CNTN5: variants seen among roughly 807,000 people sequenced by gnomAD.
CNTN5 encodes the protein contactin 5.
A neutral mutation model predicts 129.1 loss-of-function variants in CNTN5; 77 were observed. The ratio of observed to expected loss-of-function variants is 0.60; its 90% CI spans 0.50 to 0.72. The LOEUF is 0.72. CNTN5 is among the 30% of genes least tolerant of loss of function. CNTN5 has a pLI of 0.00. For synonymous variants in CNTN5, 509 were observed against 465.6 expected, an observed-to-expected ratio of 1.09 and a Z score of -1.20; for missense variants, 1,478 against 1,328.8, an observed-to-expected ratio of 1.11 and a Z score of -1.75.
chr11:100,130,724 T>G lies in CNTN5; in HGVS notation c.1580+56430T>G, dbSNP rs185147620. 1.9e-3 allele frequency among the ~76,000 whole-genome samples: 285 copies of G among 151,916 alleles called. 3 individuals are homozygous for G. The highest frequency in any genetic ancestry group is 6.7e-3 in the African/African-American group (278 of 41,434). Reference sequence around the variant, plus strand: ...TAGATAAGATTTGGAAGTGGAAGTGTAAGGATGAGAGCAGAATAAATAGCC... The same window carrying G: ...TAGATAAGATTTGGAAGTGGAAGTGGAAGGATGAGAGCAGAATAAATAGCC... On this transcript the variant is annotated intron_variant, in intron 13 of 24. Coordinates refer to ENST00000524871, the MANE Select transcript of CNTN5 (RefSeq NM_014361.4).
intron 13 of CNTN5, among the ~76,000 whole-genome samples, chr11:100,167,237 CAG>C (rs1254070401): frequency 6.6e-6 from 1 of 151,728 alleles, no homozygotes; most frequent in Non-Finnish European, 1.5e-5. Context: ...TTTATTCTTT[CAG>C]AGAGTGATTA....
chr11:100,231,873 G>A (rs559594054), intron 16 of CNTN5, among the ~76,000 whole-genome samples: 1 of 152,276 alleles, frequency 6.6e-6, no homozygotes, highest in East Asian at 1.9e-4. Context: ...AGCCTGTGAA[G>A]GCCAGGCACA....
intron 3 of CNTN5, among the ~76,000 whole-genome samples, chr11:99,579,093 T>G (rs1341538774): frequency 2.0e-5 from 3 of 151,764 alleles, no homozygotes; most frequent in African/African-American, 7.2e-5. Context: ...AGGGAATCCT[T>G]TCCCCATTGC....
intron 3 of CNTN5, among the ~76,000 whole-genome samples, chr11:99,626,147 A>T (rs1346657143): frequency 6.6e-6 from 1 of 152,032 alleles, no homozygotes; most frequent in Non-Finnish European, 1.5e-5. Flanking sequence ...AGAAGGAGTC[A>T]TGCAAGCGAA....
intron 1 of CNTN5, among the ~76,000 whole-genome samples, chr11:99,154,124 G>A (rs149015613): frequency 6.6e-6 from 1 of 152,146 alleles, no homozygotes; most frequent in Non-Finnish European, 1.5e-5. Context: ...GTGCTTGCTT[G>A]CATGTGCCAG....
intron 2 of CNTN5, among the ~76,000 whole-genome samples, chr11:99,502,334 C>G (rs1251656732): frequency 1.3e-5 from 2 of 152,076 alleles, no homozygotes; most frequent in East Asian, 1.9e-4. Flanking sequence ...TGTGTCCCCA[C>G]CCAAATCTCA....
chr11:99,363,834 C>G (rs74582425), intron 2 of CNTN5, among the ~76,000 whole-genome samples: 7,893 of 152,086 alleles, frequency 0.052, 276 homozygotes, highest in Admixed American at 0.11. Context: ...TATGAAAATT[C>G]GTTTTTCCAA....
At chr11:99,474,634 A>G (rs973764468) in intron 2 of CNTN5, among the ~76,000 whole-genome samples, 5 of 152,150 alleles carry the variant, frequency 3.3e-5, no homozygotes, top group African/African-American at 1.2e-4. Flanking sequence ...GTGTCTCTAT[A>G]ATTTAATTTA....
rs141174340 is a variant in CNTN5 at position 99,532,521 on chromosome 11, T to C, written c.-70-23624T>C. Among the ~76,000 whole-genome samples the C allele has an allele frequency of 7.8e-4, 118 of 152,202 alleles. 1 individual carries two copies. The highest frequency in any genetic ancestry group is 2.8e-3 in the African/African-American group (116 of 41,518). ...AGGGGCCAGGGCAGAATGATATGGG[T>C]TGGCCATGTCTCCACTCAAATCTCA... On this transcript the variant is annotated intron_variant, in intron 2 of 24. Coordinates refer to ENST00000524871, the MANE Select transcript of CNTN5 (RefSeq NM_014361.4).
rs1049796290 is a variant in CNTN5, at chr11:99,233,807, A to G, written c.-209-91539A>G. Among the ~76,000 whole-genome samples, 13 of 152,198 alleles carry G rather than the reference A, an allele frequency of 8.5e-5. No homozygotes were observed. In the South Asian group the frequency reaches 2.5e-3, roughly 29 times the overall value. ...TAAAAATACAAAAAATTAGTCGGGC[A>G]TGGTGGCAGGCACCTGTGGTCCCAG... is the stretch of plus-strand genomic sequence containing the variant. On this transcript the variant is annotated intron_variant, in intron 1 of 24. Transcript: ENST00000524871.
At chr11:99,237,644 G>A (rs1861346372) in intron 1 of CNTN5, among the ~76,000 whole-genome samples, 1 of 151,430 alleles carries the variant, frequency 6.6e-6, no homozygotes, top group South Asian at 2.1e-4. Flanking sequence ...TCGTGCCACC[G>A]CACCCCAGCC....
chr11:99,440,572 T>C (rs910566502), intron 2 of CNTN5, among the ~76,000 whole-genome samples: 2 of 152,172 alleles, frequency 1.3e-5, no homozygotes, highest in Non-Finnish European at 2.9e-5. Context: ...TTGGGCAAGA[T>C]TGTTAAAACC....
intron 1 of CNTN5, among the ~76,000 whole-genome samples, chr11:99,190,296 G>A (rs1002173532): frequency 6.6e-6 from 1 of 151,610 alleles, no homozygotes; most frequent in Non-Finnish European, 1.5e-5. Context: ...GGTTACTATA[G>A]CCTTGTAGTA....
At chr11:99,994,029 A>G (rs9943548) in intron 8 of CNTN5, among the ~76,000 whole-genome samples, 10,549 of 152,028 alleles carry the variant, frequency 0.069, 678 homozygotes, top group African/African-American at 0.16. Context: ...TCTTGGGGCC[A>G]GAAGTGAGGC....
intron 13 of CNTN5, among the ~76,000 whole-genome samples, chr11:100,100,371 C>T (rs1397567745): frequency 6.6e-6 from 1 of 152,056 alleles, no homozygotes; most frequent in Non-Finnish European, 1.5e-5. Context: ...CTCTATACAC[C>T]CATTTATACT....
intron 2 of CNTN5, among the ~76,000 whole-genome samples, chr11:99,463,268 C>T (rs1288912552): frequency 6.6e-6 from 1 of 150,500 alleles, no homozygotes; most frequent in African/African-American, 2.4e-5. Context: ...GAAACCCCAT[C>T]TCTACTAAAA....
intron 3 of CNTN5, among the ~76,000 whole-genome samples, chr11:99,640,243 C>A (rs1414582377): frequency 6.6e-6 from 1 of 152,166 alleles, no homozygotes; most frequent in African/African-American, 2.4e-5. Flanking sequence ...CAGCAAGGCC[C>A]CTCTCTACTG....
intron 21 of CNTN5, 103 bp downstream of exon 21, chr11:100,308,571 T>C: frequency 7.0e-7 from 1 of 1,436,546 alleles, no homozygotes; most frequent in Non-Finnish European, 9.2e-7. Flanking sequence ...CAGAATTTCT[T>C]AGAAATTTTG....
At chr11:99,606,971 GT>G (rs1171379778) in intron 3 of CNTN5, among the ~76,000 whole-genome samples, 1 of 117,488 alleles carries the variant, frequency 8.5e-6, no homozygotes, top group Non-Finnish European at 1.8e-5. Flanking sequence ...AGATTTAAAC[GT>G]TAGACCTAAA....
Sources: allele counts gnomAD v4.1 joint callset (sites outside exome capture counted in the v4.1 genomes callset), GRCh38; gene constraint gnomAD v4.1.1; transcripts MANE v1.5; gene names NCBI Gene and HGNC (gene_info 2026-07-23, HGNC 2026-07-21).